TP53BP1: variants seen among roughly 807,000 people sequenced by gnomAD.
TP53BP1 encodes TP53-binding protein 1.
A neutral mutation model predicts 200.8 loss-of-function variants in TP53BP1; 61 were observed. The observed-to-expected ratio is 0.30, with a 90% CI of 0.25 to 0.38. The LOEUF (loss-of-function observed/expected upper bound fraction) is 0.38. TP53BP1 is among the 10% of genes least tolerant of loss of function. The pLI, the probability that TP53BP1 is intolerant of heterozygous loss-of-function variation, is 1.00. For synonymous variants in TP53BP1, 822 were observed against 844.3 expected (o/e 0.97, Z 0.46); for missense variants, 2,144 against 2,371.9 (o/e 0.90, Z 2.00).
intron 11 of TP53BP1, among the ~76,000 whole-genome samples, chr15:43,458,878 A>G (rs2245161): frequency 0.035 from 5,323 of 152,278 alleles, 304 homozygotes; most frequent in African/African-American, 0.12. Context: ...GGAATGCAAA[A>G]TGTTACACCC....
In TP53BP1 at chr15:43,479,697, A is replaced by G. The variant is rs367699068; in HGVS notation, c.658+162T>C. Among the ~76,000 whole-genome samples, 297 of 152,302 alleles carry G rather than the reference A, an allele frequency of 2.0e-3. 2 individuals are homozygous for G. Among genetic ancestry groups the G allele is most frequent in the African/African-American group, 6.7e-3 (277 of 41,568 alleles). On this transcript the variant is annotated intron_variant, in intron 6 of 27. Coordinates refer to ENST00000382044, the MANE Select transcript of TP53BP1 (RefSeq NM_001141980.3). Reference sequence around the variant, plus strand: ...CAATAACTTAAAACCTCAGCCCACAAACCAACAATTGACAAGTATTTACCA... The same window carrying G: ...CAATAACTTAAAACCTCAGCCCACAGACCAACAATTGACAAGTATTTACCA...
Position 43,408,932 on chromosome 15 carries a change from A to G in TP53BP1, c.5565T>C (p.Ala1855=). ...TTCTTTGCTCCTCAAGGCTGTACCC[A>G]GCTGGCAACAGATAATTACGGTAGT... ...LQNYRNYLLP[A]GYSLEEQRIL... The change falls in exon 26 of 28, where the codon GCT becomes GCC. Residue 1855 remains alanine (A), a synonymous_variant. Coordinates refer to ENST00000382044, the MANE Select transcript of TP53BP1 (RefSeq NM_001141980.3). 6.2e-7 allele frequency: 1 copy of G among 1,614,198 alleles called. No individual in the cohort carries two copies. The highest frequency in any genetic ancestry group is 1.7e-5 in the Admixed American group (1 of 60,020).
At chr15:43,430,539 AATC>A (rs1390266168) in intron 17 of TP53BP1, among the ~76,000 whole-genome samples, 2 of 152,228 alleles carry the variant, frequency 1.3e-5, no homozygotes, top group Non-Finnish European at 2.9e-5. Flanking sequence ...CAACTTGGAC[AATC>A]AAAATGAGAG....
Position 43,456,801 on chromosome 15 carries a change from T to A in TP53BP1, c.1807A>T (p.Ser603Cys), listed in dbSNP as rs757622639. 9.3e-6 allele frequency: 15 copies of A among 1,613,914 alleles called. 1 individual carries two copies. In the South Asian group the frequency reaches 1.6e-4, roughly 18 times the overall value. The change falls in exon 12 of 28, where the codon AGT (serine) becomes TGT (cysteine). Residue 603 changes from serine (S) to cysteine (C), a missense_variant. This residue lies in a region of TP53BP1 where 1,700 missense variants were observed against 1,710.3 expected (regional missense o/e 0.99). Coordinates refer to ENST00000382044, the MANE Select transcript of TP53BP1 (RefSeq NM_001141980.3). ...CCCTTGCAACCAGTGGCTAAAATAC[T>A]AATGTCATCCCTGGTGTCTGTATCA... ...GDDTDTRDDI[S>C]ILATGCKGRE... is the part of the protein sequence containing the mutation.
chr15:43,474,762 G>T lies in TP53BP1; in HGVS notation c.1091C>A (p.Ser364Tyr). Reference protein sequence around the residue: ...SLVQDSLSTNSSDLVAPSPDA... With the variant: ...SLVQDSLSTNYSDLVAPSPDA... ...AGGAGAAGGAGCAACAAGATCTGAA[G>T]AATTCCTTTATATAAAGAGAGAATC... Residue 364 changes from serine to tyrosine, a missense_variant, in exon 10 of 28, where the codon TCT becomes TAT. Physicochemically the swap from Ser to Tyr is moderately radical, Grantham distance 144. Transcript: ENST00000382044. The T allele has an allele frequency of 1.2e-6, 2 of 1,604,840 alleles. No homozygotes were observed. The highest frequency in any genetic ancestry group is 8.5e-7 in the Non-Finnish European group (1 of 1,171,816).
intron 11 of TP53BP1, among the ~76,000 whole-genome samples, chr15:43,457,511 A>C (rs932864587): frequency 1.3e-5 from 2 of 151,774 alleles, no homozygotes; most frequent in Non-Finnish European, 2.9e-5. Flanking sequence ...CTCTACTAAA[A>C]ATACAAAAAA....
Position 43,407,932 on chromosome 15 carries a change from C to G in TP53BP1, c.5746+11G>C. 1 of 1,608,798 alleles carries G rather than the reference C, an allele frequency of 6.2e-7. No homozygotes were observed. The highest frequency in any genetic ancestry group is 8.5e-7 in the Non-Finnish European group (1 of 1,179,196). On this transcript the variant is annotated intron_variant, in intron 27 of 27. Transcript: ENST00000382044. Reference sequence around the variant, plus strand: ...CTGGAACAAAGACACTACACACACTCTTTCAGGTACCTTTGTTATGGGCAC... The same window carrying G: ...CTGGAACAAAGACACTACACACACTGTTTCAGGTACCTTTGTTATGGGCAC...
rs1028737791 is a variant in TP53BP1 at position 43,412,972 on chromosome 15, G to A, written c.5305+147C>T. ...CAGTCTAGAAACTGTTAAAAAGCAG[G>A]ATACAGAGTAATTTCTGTGACCAAG... On this transcript the variant is annotated intron_variant, in intron 24 of 27. Coordinates refer to ENST00000382044, the MANE Select transcript of TP53BP1 (RefSeq NM_001141980.3). 51 of 724,912 alleles carry A rather than the reference G, an allele frequency of 7.0e-5. No homozygotes were observed. The African/African-American group carries it at 8.3e-4, about 12-fold the overall frequency. The allele number at this position is 724,912 out of a possible 1,614,324, so 44.9% of individuals were successfully genotyped here.
At chr15:43,452,014 A>G (rs932724454) in intron 12 of TP53BP1, among the ~76,000 whole-genome samples, 4 of 152,048 alleles carry the variant, frequency 2.6e-5, no homozygotes, top group Non-Finnish European at 5.9e-5. Context: ...ATGTGCCTAT[A>G]ATTCCAGCTA....
intron 4 of TP53BP1, 151 bp from the exon 5 acceptor site, chr15:43,481,173 G>A (rs1257489766): frequency 3.8e-6 from 3 of 799,818 alleles, no homozygotes; most frequent in South Asian, 2.2e-5. Context: ...TCTACAAAAA[G>A]CACCTAAAAG....
At chr15:43,483,399 C>T (rs1159639614) in intron 4 of TP53BP1, among the ~76,000 whole-genome samples, 1 of 152,074 alleles carries the variant, frequency 6.6e-6, no homozygotes, top group African/African-American at 2.4e-5. Context: ...CATCAGCAAA[C>T]ATACACTTTT....
chr15:43,498,637 A>G (rs2079193518), intron 1 of TP53BP1, among the ~76,000 whole-genome samples: 1 of 152,210 alleles, frequency 6.6e-6, no homozygotes, highest in Admixed American at 6.5e-5. Flanking sequence ...AAACCATTAA[A>G]TGTAACAGAT....
At chr15:43,496,963 G>A (rs559849650), upstream of TP53BP1, among the ~76,000 whole-genome samples, 1 of 152,284 alleles carries the variant, frequency 6.6e-6, no homozygotes, top group South Asian at 2.1e-4. Context: ...TCACATCCAA[G>A]TATCATCTCC....
In TP53BP1 at chr15:43,492,038, C is replaced by T. The variant is rs1016279871; in HGVS notation, c.250G>A (p.Gly84Arg). 2 of 1,613,872 alleles carry T rather than the reference C, an allele frequency of 1.2e-6. No homozygotes were observed. Among genetic ancestry groups the T allele is most frequent in the African/African-American group, 1.3e-5 (1 of 74,898 alleles). The change falls in exon 3 of 28, where the codon GGG becomes AGG. Residue 84 changes from glycine to arginine, a missense_variant. Gly to Arg is a moderately radical substitution (Grantham distance 125, BLOSUM62 -2). Transcript: ENST00000382044. ...AGEERGDGNS[G>R]FNEHLKENKV... is the part of the protein sequence containing the mutation. ...TTTTCTTTCAAATGTTCATTGAACC[C>T]ACTATTACCGTCTCCTCGTTCTTCT... is the stretch of plus-strand genomic sequence containing the variant.
intron 16 of TP53BP1, among the ~76,000 whole-genome samples, chr15:43,437,088 A>C (rs1452434184): frequency 1.3e-5 from 2 of 151,878 alleles, no homozygotes; most frequent in African/African-American, 4.8e-5. Flanking sequence ...GAGCCTAGGA[A>C]TTTGGGGCTG....
At chr15:43,493,167 GT>G, upstream of TP53BP1, 1 of 1,536,010 alleles carries the variant, frequency 6.5e-7, no homozygotes, top group East Asian at 2.4e-5. Context: ...CCCCTTTCCC[GT>G]CACGTCACAC....
intron 10 of TP53BP1, among the ~76,000 whole-genome samples, chr15:43,470,515 A>C (rs1200130597): frequency 6.6e-6 from 1 of 152,210 alleles, no homozygotes; most frequent in East Asian, 1.9e-4. Flanking sequence ...TTACGAACTG[A>C]TTATATTTGC....
chr15:43,420,219 G>A, intron 21 of TP53BP1, 86 bp downstream of exon 21: 1 of 1,305,638 alleles, frequency 7.7e-7, no homozygotes, highest in Non-Finnish European at 1.1e-6. Flanking sequence ...AAAGTACCAA[G>A]TAATGTCTTG....
In TP53BP1 at chr15:43,432,354, A is replaced by G; in HGVS notation, c.3515T>C (p.Val1172Ala). 3 of 1,614,108 alleles carry G rather than the reference A, an allele frequency of 1.9e-6. No individual in the cohort carries two copies. The African/African-American group carries it at 4.0e-5, about 22-fold the overall frequency. Residue 1172 changes from valine (V) to alanine (A), a missense_variant, in exon 17 of 28, where the codon GTT becomes GCT. This residue lies in a region of TP53BP1 where 1,700 missense variants were observed against 1,710.3 expected (regional missense o/e 0.99). Transcript: ENST00000382044. ...CTTTATAGTCTGGGTTGCTGCTGAA[A>G]CAGTTTCTGGGACCCTCAAGGAACA... is the stretch of plus-strand genomic sequence containing the variant. ...MECSLRVPETVSAATQTIKNV... is the reference protein window; with the variant it reads ...MECSLRVPETASAATQTIKNV...
Sources: gnomAD v4.1 joint callset for allele counts (sites outside exome capture counted in the v4.1 genomes callset) on GRCh38, gnomAD v4.1.1 for gene constraint, gnomAD v4.1.1 regional missense constraint, MANE v1.5 for transcripts, NCBI Gene and HGNC (gene_info 2026-07-23, HGNC 2026-07-21) for gene names.